CLCN5: variants seen among roughly 807,000 people sequenced by gnomAD.
CLCN5 encodes Cl-/H+ antiporter 5.
Under a neutral mutation model 54.0 loss-of-function variants are expected in CLCN5, and 17 were observed. That is an observed-to-expected ratio of 0.31 (90% CI 0.22 to 0.47). The LOEUF is 0.47. CLCN5 is among the 20% of genes least tolerant of loss of function. The pLI, the probability that CLCN5 is intolerant of heterozygous loss-of-function variation, is 1.00. For synonymous variants in CLCN5, 222 were observed against 233.0 expected, an observed-to-expected ratio of 0.95 and a Z score of 0.43; for missense variants, 448 against 646.7, an observed-to-expected ratio of 0.69 and a Z score of 3.33.
At chrX:49,999,723 G>A in intron 3 of CLCN5, among the ~76,000 whole-genome samples, 1 of 111,695 alleles carries the variant, frequency 9.0e-6, no homozygotes, top group East Asian at 2.8e-4. Flanking sequence ...AAAAGTGTCA[G>A]TGTGAACACA....
At chrX:50,088,458 C>T (rs1245991013) in intron 11 of CLCN5, 1 of 412,020 alleles carries the variant, frequency 2.4e-6, no homozygotes, top group Admixed American at 4.1e-5. Flanking sequence ...AGAGTTCAGG[C>T]TCTTGCCTGA....
chrX:49,944,657 A>G (rs1926587435), intron 3 of CLCN5, among the ~76,000 whole-genome samples: 1 of 112,032 alleles, frequency 8.9e-6, no homozygotes, highest in East Asian at 2.8e-4. Context: ...ATCTATTGAG[A>G]TAATCATGTG....
chrX:50,062,971 A>T (rs1932885150), intron 4 of CLCN5, among the ~76,000 whole-genome samples: 2 of 110,278 alleles, frequency 1.8e-5, no homozygotes, highest in Admixed American at 9.6e-5. Context: ...GAGAACAAAG[A>T]CACAACATAC....
intron 3 of CLCN5, among the ~76,000 whole-genome samples, chrX:49,932,565 G>A (rs781837664): frequency 1.8e-5 from 2 of 111,661 alleles, no homozygotes; most frequent in Non-Finnish European, 3.8e-5. Context: ...CCCCTTCTAC[G>A]TTCCAGCAAA....
At chrX:49,982,407 GTTCAA>G (rs782637396) in intron 3 of CLCN5, among the ~76,000 whole-genome samples, 2 of 110,942 alleles carry the variant, frequency 1.8e-5, no homozygotes, top group East Asian at 5.7e-4. Flanking sequence ...AATAGAACTT[GTTCAA>G]TTCATCTGGT....
chrX:50,072,448 G>C, intron 5 of CLCN5, 41 bp from the exon 6 acceptor site: 4 of 920,608 alleles, frequency 4.3e-6, no homozygotes, highest in Non-Finnish European at 6.3e-6. Flanking sequence ...TGAAAAAATG[G>C]TGTGTGTAGA....
chrX:50,087,841 A>G (rs1557194206), intron 11 of CLCN5, among the ~76,000 whole-genome samples: 1 of 111,909 alleles, frequency 8.9e-6, no homozygotes, highest in African/African-American at 3.2e-5. Context: ...GCATTCCAAA[A>G]TCAAACACAG....
intron 3 of CLCN5, among the ~76,000 whole-genome samples, chrX:50,016,832 T>A (rs968222146): frequency 9.1e-6 from 1 of 109,979 alleles, no homozygotes; most frequent in Non-Finnish European, 1.9e-5. Context: ...AATCATACAT[T>A]ATGCAGCCTT....
rs1327284128 is a variant in CLCN5 at position 50,092,597 on chromosome X, C to T, written c.*378C>T. 1 of 146,312 alleles carries T rather than the reference C, an allele frequency of 6.8e-6. No individual in the cohort carries two copies. Among genetic ancestry groups the T allele is most frequent in the Non-Finnish European group, 1.4e-5 (1 of 73,832 alleles). 12.1% of individuals were successfully genotyped at this position (146,312 alleles called of 1,213,427 possible). A position where few individuals can be genotyped will look rare whatever the true frequency, so the allele number is the denominator to read the frequency against. ...TGACCTATAACCTGTAGGAAACCGA[C>T]GAAAAAGTCACTCTTTTGGGATCTA... On this transcript the variant is annotated 3_prime_UTR_variant, in exon 15 of 15. Coordinates refer to ENST00000376091, the MANE Select transcript of CLCN5 (RefSeq NM_001127898.4).
chrX:49,961,003 C>A (rs970415988), intron 3 of CLCN5, among the ~76,000 whole-genome samples: 1 of 111,746 alleles, frequency 8.9e-6, no homozygotes, highest in Non-Finnish European at 1.9e-5. Flanking sequence ...AGCATGACTT[C>A]CAGATTCAGA....
At chrX:50,058,471 C>G (rs1932801468) in intron 4 of CLCN5, among the ~76,000 whole-genome samples, 1 of 110,181 alleles carries the variant, frequency 9.1e-6, no homozygotes, top group South Asian at 3.8e-4. Context: ...TTTAAAGCAT[C>G]ATGTGATTTT....
chrX:49,945,339 T>C (rs1926638004), intron 3 of CLCN5: 1 of 112,053 alleles, frequency 8.9e-6, no homozygotes, highest in Admixed American at 9.5e-5. Context: ...TGTCCCTTTC[T>C]CTTCTAATTT....
intron 3 of CLCN5, among the ~76,000 whole-genome samples, chrX:49,996,884 C>T (rs1929550244): frequency 8.9e-6 from 1 of 111,947 alleles, no homozygotes; most frequent in African/African-American, 3.3e-5. Flanking sequence ...AAACTGGTTT[C>T]TTTGTGGCCT....
At chrX:49,943,762 A>G (rs1410437363) in intron 3 of CLCN5, among the ~76,000 whole-genome samples, 2 of 111,405 alleles carry the variant, frequency 1.8e-5, no homozygotes, top group Non-Finnish European at 3.8e-5. Flanking sequence ...ATTGGTCTAT[A>G]TCTCTGTTTT....
At chrX:50,033,033 A>G (rs1389211009) in intron 3 of CLCN5, among the ~76,000 whole-genome samples, 2 of 110,749 alleles carry the variant, frequency 1.8e-5, no homozygotes, top group East Asian at 5.7e-4. Flanking sequence ...ATAGTTGTAG[A>G]TATGCGGCGT....
chrX:50,049,252 C>T (rs782052561), intron 4 of CLCN5, among the ~76,000 whole-genome samples: 1 of 112,056 alleles, frequency 8.9e-6, no homozygotes, highest in African/African-American at 3.2e-5. Flanking sequence ...TAGACACATA[C>T]TTACCATTAT....
chrX:49,923,147 T>G (rs1432737630), intron 1 of CLCN5, among the ~76,000 whole-genome samples: 3 of 112,926 alleles, frequency 2.7e-5, no homozygotes, highest in Non-Finnish European at 5.6e-5. Context: ...CGGACTGGGG[T>G]AGGGTGACTT....
chrX:50,067,572 G>A (rs1206006647), intron 4 of CLCN5: 9 of 750,619 alleles, frequency 1.2e-5, no homozygotes, highest in Non-Finnish European at 1.4e-5. Context: ...CATTCTGACC[G>A]CCAGGGAACA....
At chrX:50,005,166 C>T (rs1930093708) in intron 3 of CLCN5, among the ~76,000 whole-genome samples, 1 of 111,672 alleles carries the variant, frequency 9.0e-6, no homozygotes, top group Non-Finnish European at 1.9e-5. Flanking sequence ...TTTTTGTGAT[C>T]ACATCCCTGT....
Sources: allele counts gnomAD v4.1 joint callset (sites outside exome capture counted in the v4.1 genomes callset), GRCh38; gene constraint gnomAD v4.1.1; transcripts MANE v1.5; gene names NCBI Gene and HGNC (gene_info 2026-07-23, HGNC 2026-07-21).